ZNF407: variants seen among roughly 807,000 people sequenced by gnomAD.
ZNF407 encodes zinc finger protein 407.
A neutral mutation model predicts 131.2 loss-of-function variants in ZNF407; 17 were observed. The ratio of observed to expected loss-of-function variants is 0.13; its 90% CI spans 0.09 to 0.19. The LOEUF (loss-of-function observed/expected upper bound fraction) is 0.19. ZNF407 is among the 10% of genes least tolerant of loss of function. The pLI, the probability that ZNF407 is intolerant of heterozygous loss-of-function variation, is 1.00. For missense variants in ZNF407, 2,681 were observed against 2,830.6 expected (o/e 0.95, Z 1.20); for synonymous variants, 1,156 against 1,062.0 (o/e 1.09, Z -1.72).
chr18:74,799,424 T>C (rs919496536), intron 4 of ZNF407, among the ~76,000 whole-genome samples: 7 of 152,124 alleles, frequency 4.6e-5, no homozygotes, highest in African/African-American at 1.7e-4. Flanking sequence ...TCAGATTTCA[T>C]TCATTCAAGA....
chr18:74,900,905 C>T (rs756846208), intron 7 of ZNF407, among the ~76,000 whole-genome samples: 1 of 152,020 alleles, frequency 6.6e-6, no homozygotes, highest in Non-Finnish European at 1.5e-5. Context: ...TAAATTGTTC[C>T]CTACCTTCTT....
chr18:74,925,306 G>A (rs866274562), intron 8 of ZNF407, among the ~76,000 whole-genome samples: 1 of 152,070 alleles, frequency 6.6e-6, no homozygotes. Context: ...TCTAAGATAA[G>A]CAGTTTGGTG....
In ZNF407 at chr18:74,632,416, C is replaced by T. The variant is rs918585995; in HGVS notation, c.1397C>T (p.Thr466Ile). The stretch of plus-strand genomic sequence containing the variant: ...AGGATGTATATGAAACACTTGAGAA[C>T]ACAGATGAAAACACACGATGCAGAA... Reference protein sequence around the residue: ...TQRMYMKHLRTQMKTHDAESV... With the variant: ...TQRMYMKHLRIQMKTHDAESV... The change falls in exon 2 of 9, where the codon ACA (threonine) becomes ATA (isoleucine). Residue 466 changes from threonine to isoleucine, a missense_variant. This residue lies in a region of ZNF407 where 1,789 missense variants were observed against 1,748.7 expected (regional missense o/e 1.02). Transcript: ENST00000299687. 1 of 1,613,906 alleles carries T rather than the reference C, an allele frequency of 6.2e-7. No homozygotes were observed. Among genetic ancestry groups the T allele is most frequent in the Admixed American group, 1.7e-5 (1 of 60,010 alleles).
At chr18:74,865,845 TC>T (rs1279578641) in intron 4 of ZNF407, among the ~76,000 whole-genome samples, 2 of 152,210 alleles carry the variant, frequency 1.3e-5, no homozygotes, top group Non-Finnish European at 2.9e-5. Flanking sequence ...ATGAGGTTTT[TC>T]CCAATGATAC....
chr18:74,665,209 G>T (rs1355339181), intron 3 of ZNF407, among the ~76,000 whole-genome samples: 3 of 152,182 alleles, frequency 2.0e-5, no homozygotes, highest in Admixed American at 2.0e-4. Flanking sequence ...TGGCTTTAGT[G>T]TACATTTATT....
At chr18:74,601,879 G>C (rs1230405224) in intron 1 of ZNF407, among the ~76,000 whole-genome samples, 1 of 152,138 alleles carries the variant, frequency 6.6e-6, no homozygotes, top group Non-Finnish European at 1.5e-5. Flanking sequence ...AAATATTGTG[G>C]AATTTAATGG....
chr18:75,029,409 C>T (rs1395974150), intron 8 of ZNF407, among the ~76,000 whole-genome samples: 1 of 152,196 alleles, frequency 6.6e-6, no homozygotes, highest in African/African-American at 2.4e-5. Flanking sequence ...TACCAAGACT[C>T]CTCTCATACT....
intron 3 of ZNF407, among the ~76,000 whole-genome samples, chr18:74,728,496 TGCTTTTTACCTA>T: frequency 6.6e-6 from 1 of 152,214 alleles, no homozygotes; most frequent in Non-Finnish European, 1.5e-5. Flanking sequence ...TAGCTTTACC[TGCTTTTTACCTA>T]GCTTTTTCAC....
At chr18:74,941,011 G>A (rs1295043076) in intron 8 of ZNF407, among the ~76,000 whole-genome samples, 2 of 152,162 alleles carry the variant, frequency 1.3e-5, no homozygotes, top group African/African-American at 4.8e-5. Flanking sequence ...AGCTCGGGGT[G>A]ACCTAACAAA....
chr18:74,634,485 T>A lies in ZNF407; in HGVS notation c.3466T>A (p.Ser1156Thr). The A allele has an allele frequency of 6.2e-7, 1 of 1,613,822 alleles. No individual in the cohort carries two copies. Among genetic ancestry groups the A allele is most frequent in the Non-Finnish European group, 8.5e-7 (1 of 1,179,894 alleles). Residue 1156 changes from serine (S) to threonine (T), a missense_variant, in exon 2 of 9, where the codon TCT (serine) becomes ACT (threonine). By Grantham distance (58) the Ser-to-Thr change is moderately conservative. Around this residue, in one of 6 missense-constraint regions of ZNF407, gnomAD observed 1,789 missense variants for 1,748.7 expected, o/e 1.02. Coordinates refer to ENST00000299687, the MANE Select transcript of ZNF407 (RefSeq NM_017757.3). ...DSVEVETEEE[S>T]NFNEDHSFCE... ...TGTAGAAGTTGAGACTGAAGAAGAA[T>A]CTAATTTCAATGAAGACCATTCCTT...
At chr18:74,808,924 G>A (rs1466230152) in intron 4 of ZNF407, among the ~76,000 whole-genome samples, 1 of 151,972 alleles carries the variant, frequency 6.6e-6, no homozygotes, top group East Asian at 1.9e-4. Context: ...TGTAATATTG[G>A]TCTGTGGGGA....
In ZNF407 at chr18:74,633,580, A is replaced by C; in HGVS notation, c.2561A>C (p.His854Pro). Residue 854 changes from histidine (H) to proline (P), a missense_variant, in exon 2 of 9, where the codon CAC (histidine) becomes CCC (proline). Transcript: ENST00000299687. Reference sequence around the variant, plus strand: ...GGTAACATCTCACGGACGTGTTCACACTGTGGCCTTTTGGCCTCTAGTATT... The same window carrying C: ...GGTAACATCTCACGGACGTGTTCACCCTGTGGCCTTTTGGCCTCTAGTATT... ...PKGNISRTCS[H>P]CGLLASSITN... The C allele has an allele frequency of 6.2e-7, 1 of 1,614,064 alleles. No homozygotes were observed. Among genetic ancestry groups the C allele is most frequent in the Non-Finnish European group, 8.5e-7 (1 of 1,179,900 alleles).
At chr18:74,737,219 G>C (rs1968438268) in intron 3 of ZNF407, among the ~76,000 whole-genome samples, 1 of 152,124 alleles carries the variant, frequency 6.6e-6, no homozygotes, top group Non-Finnish European at 1.5e-5. Context: ...TTTTAGAGAA[G>C]TTTTGTTAAG....
In ZNF407 at chr18:74,920,707, CTG is replaced by C; in HGVS notation, c.5428+18_5428+19del. 2.5e-6 allele frequency: 4 copies of C among 1,583,148 alleles called. No homozygotes were observed. The highest frequency in any genetic ancestry group is 1.3e-5 in the African/African-American group (1 of 74,336). The stretch of plus-strand genomic sequence containing the variant: ...CCTGCATGCTGGTAAGGGACAGAAA[CTG>C]TGAAAACTTGTTTCTAACAGGATTT... On this transcript the variant is annotated intron_variant, in intron 8 of 8. Transcript: ENST00000299687.
intron 8 of ZNF407, among the ~76,000 whole-genome samples, chr18:74,972,179 AC>A (rs1009336043): frequency 4.6e-5 from 7 of 151,404 alleles, no homozygotes; most frequent in Admixed American, 2.0e-4. Context: ...AAACCATATC[AC>A]CTCCCTTTTC....
intron 1 of ZNF407, among the ~76,000 whole-genome samples, chr18:74,616,512 C>T (rs1983294006): frequency 6.6e-6 from 1 of 151,810 alleles, no homozygotes; most frequent in African/African-American, 2.4e-5. Context: ...TTGTAAGTCA[C>T]ATGTACAAAA....
chr18:74,999,917 A>T (rs953711026), intron 8 of ZNF407, among the ~76,000 whole-genome samples: 2 of 152,216 alleles, frequency 1.3e-5, no homozygotes, highest in African/African-American at 2.4e-5. Flanking sequence ...GGCTAACATG[A>T]TAGCTTGTGA....
intron 4 of ZNF407, among the ~76,000 whole-genome samples, chr18:74,868,684 C>T (rs1971046180): frequency 6.6e-6 from 1 of 152,252 alleles, no homozygotes; most frequent in African/African-American, 2.4e-5. Flanking sequence ...TCAGTCGCTG[C>T]TGTTTCCATC....
At chr18:74,695,519 G>T (rs1254303686) in intron 3 of ZNF407, among the ~76,000 whole-genome samples, 3 of 147,186 alleles carry the variant, frequency 2.0e-5, no homozygotes, top group Non-Finnish European at 1.5e-5. Flanking sequence ...TGGCCTGATA[G>T]CACAGCCTTT....
Sources: gnomAD v4.1 joint callset for allele counts (sites outside exome capture counted in the v4.1 genomes callset) on GRCh38, gnomAD v4.1.1 for gene constraint, gnomAD v4.1.1 regional missense constraint, MANE v1.5 for transcripts, NCBI Gene and HGNC (gene_info 2026-07-23, HGNC 2026-07-21) for gene names.